SHCBP1L: variants seen among roughly 807,000 people sequenced by gnomAD.
SHCBP1L encodes SHC binding and spindle associated 1 like.
In SHCBP1L, 67 loss-of-function variants were observed where a neutral mutation model predicts 62.5. The observed-to-expected ratio is 1.07, with a 90% confidence interval of 0.88 to 1.31. SHCBP1L has a LOEUF of 1.31. SHCBP1L is among the 40% of genes most tolerant of loss of function. The pLI, the probability that SHCBP1L is intolerant of heterozygous loss-of-function variation, is 0.00. For missense variants in SHCBP1L, 823 were observed against 809.8 expected, an observed-to-expected ratio of 1.02 and a Z score of -0.20; for synonymous variants, 284 against 289.4, an observed-to-expected ratio of 0.98 and a Z score of 0.19.
Position 182,940,556 on chromosome 1 carries a change from T to C in SHCBP1L, c.556-13A>G. On this transcript the variant is annotated splice_polypyrimidine_tract_variant and intron_variant, in intron 2 of 9. Coordinates refer to ENST00000367547, the MANE Select transcript of SHCBP1L (RefSeq NM_030933.4). ...GTTCACAAGTTACCTAAGATAAATA[T>C]CATAAGAGATAAGAGATATAGTTAT... 1.9e-6 allele frequency: 3 copies of C among 1,604,792 alleles called. No individual in the cohort carries two copies. The East Asian group carries it at 6.7e-5, about 36-fold the overall frequency.
chr1:182,924,786 A>AAGAAAGAAAGAAAGAG (rs1557996865), intron 6 of SHCBP1L, among the ~76,000 whole-genome samples: 23 of 92,994 alleles, frequency 2.5e-4, no homozygotes, highest in African/African-American at 1.2e-3. Context: ...GAAAGAAAGA[A>AAGAAAGAAAGAAAGAG]AGAGAGAAAG....
intron 6 of SHCBP1L, among the ~76,000 whole-genome samples, chr1:182,924,951 A>AAAGAAAGAAAGAAAGAAAGC (rs1491368469): frequency 1.5e-5 from 2 of 136,750 alleles, no homozygotes; most frequent in Non-Finnish European, 3.1e-5. Flanking sequence ...AGAAAGAAAG[A>AAAGAAAGAAAGAAAGAAAGC]AAGAAAGAAA....
chr1:182,930,551 GTATATATATATATA>G lies in SHCBP1L; in HGVS notation c.1077-813_1077-800del, dbSNP rs10536791. Among the ~76,000 whole-genome samples the G allele has an allele frequency of 4.9e-3, 244 of 49,466 alleles. 2 individuals are homozygous for G. The highest frequency in any genetic ancestry group is 0.013 in the Middle Eastern group (1 of 78). The allele number at this position is 49,466 out of a possible 152,430, so 32.5% of individuals were successfully genotyped here. A position where few individuals can be genotyped will look rare whatever the true frequency, so the allele number is the denominator to read the frequency against. On this transcript the variant is annotated intron_variant, in intron 5 of 9. Coordinates refer to ENST00000367547, the MANE Select transcript of SHCBP1L (RefSeq NM_030933.4). ...AAGAGGATGTGGCTTTAGTGTGTGT[GTATATATATATATA>G]TATATATATATATATATATATATAT...
chr1:182,952,811 G>T lies in SHCBP1L; in HGVS notation c.323C>A (p.Pro108Gln), dbSNP rs1651830200. The change falls in exon 1 of 10, where the codon CCA (proline) becomes CAA (glutamine). Residue 108 changes from proline to glutamine, a missense_variant. Coordinates refer to ENST00000367547, the MANE Select transcript of SHCBP1L (RefSeq NM_030933.4). Reference protein sequence around the residue: ...EDEEEAQPLPPVCVSRMRGMW... With the variant: ...EDEEEAQPLPQVCVSRMRGMW... ...CCCCCTCATACGGGACACGCAGACT[G>T]GGGGCAGGGGCTGCGCCTCCTCTTC... 8 of 1,612,470 alleles carry T rather than the reference G, an allele frequency of 5.0e-6. No individual in the cohort carries two copies. The highest frequency in any genetic ancestry group is 6.8e-6 in the Non-Finnish European group (8 of 1,179,532).
Position 182,953,118 on chromosome 1 carries a change from TG to T in SHCBP1L, c.15del (p.Lys6ArgfsTer35). On this transcript the variant is annotated frameshift_variant, in exon 1 of 10. Transcript: ENST00000367547. LOFTEE classifies it high-confidence loss of function. ...AATGAGTCCGCGGGCACCGAGGCCT[TG>T]GAGCCCGACGCCATCTCCTCAGCAG... The part of the protein sequence containing the change: MASG[S>X]KASVPADSFR... 6.3e-7 allele frequency: 1 copy of T among 1,579,172 alleles called. No homozygotes were observed. Among genetic ancestry groups the T allele is most frequent in the South Asian group, 1.1e-5 (1 of 87,866 alleles).
chr1:182,921,071 C>A (rs900979421), intron 6 of SHCBP1L, among the ~76,000 whole-genome samples: 2 of 152,194 alleles, frequency 1.3e-5, no homozygotes, highest in South Asian at 4.1e-4. Flanking sequence ...AAGACATAGT[C>A]ATCAGATTCT....
rs377663290 is a variant in SHCBP1L, at chr1:182,904,576, T to C, written c.1337-146A>G. On this transcript the variant is annotated intron_variant, in intron 7 of 9. Coordinates refer to ENST00000367547, the MANE Select transcript of SHCBP1L (RefSeq NM_030933.4). Reference sequence around the variant, plus strand: ...GTGTGTGTGTGTGTGTGTGTGTGTGTGCGCATGCGCATTTTTAGAGATGGT... The same window carrying C: ...GTGTGTGTGTGTGTGTGTGTGTGTGCGCGCATGCGCATTTTTAGAGATGGT... The C allele has an allele frequency of 7.8e-3, 5,459 of 701,796 alleles. 33 individuals are homozygous for C. Among genetic ancestry groups the C allele is most frequent in the East Asian group, 0.017 (539 of 32,300 alleles). The allele number at this position is 701,796 out of a possible 1,614,324, so 43.5% of individuals were successfully genotyped here.
intron 6 of SHCBP1L, among the ~76,000 whole-genome samples, chr1:182,928,222 C>T (rs922477016): frequency 6.6e-5 from 10 of 152,022 alleles, no homozygotes; most frequent in African/African-American, 2.2e-4. Flanking sequence ...GGCCTTCTTT[C>T]GGTTCCTCAT....
chr1:182,913,884 G>A (rs1221031024), intron 6 of SHCBP1L, among the ~76,000 whole-genome samples: 1 of 152,188 alleles, frequency 6.6e-6, no homozygotes, highest in Non-Finnish European at 1.5e-5. Flanking sequence ...GGGAGGCTGA[G>A]GTAGGAGAAT....
intron 5 of SHCBP1L, among the ~76,000 whole-genome samples, chr1:182,932,034 C>A (rs1651023412): frequency 7.1e-6 from 1 of 141,376 alleles, no homozygotes; most frequent in Admixed American, 7.5e-5. Flanking sequence ...CAGTATGTAG[C>A]CTTTTCAGAT....
At position 182,953,070 on chromosome 1, in the gene SHCBP1L, G is replaced by T; in HGVS notation, c.64C>A (p.Arg22=). 1 of 1,550,994 alleles carries T rather than the reference G, an allele frequency of 6.4e-7. No individual in the cohort carries two copies. Among genetic ancestry groups the T allele is most frequent in the Non-Finnish European group, 8.7e-7 (1 of 1,154,684 alleles). Residue 22 remains arginine (R), a synonymous_variant, in exon 1 of 10, where the codon CGA becomes AGA. Coordinates refer to ENST00000367547, the MANE Select transcript of SHCBP1L (RefSeq NM_030933.4). ...DSFRTISPDR[R]GEKSASAVSG... ...ACAGCGGAGGCGGACTTCTCGCCTCGCCTGTCCGGGCTGATGGTGCGGAAT... is the reference window on the plus strand; with the variant it reads ...ACAGCGGAGGCGGACTTCTCGCCTCTCCTGTCCGGGCTGATGGTGCGGAAT...
At chr1:182,940,307 T>TC in intron 3 of SHCBP1L, 22 bp downstream of exon 3, 1 of 1,580,716 alleles carries the variant, frequency 6.3e-7, no homozygotes. Context: ...AATTTAATTT[T>TC]CAAAAGTAAA....
chr1:182,941,779 A>G (rs1651373996), intron 2 of SHCBP1L, among the ~76,000 whole-genome samples: 1 of 152,218 alleles, frequency 6.6e-6, no homozygotes, highest in Admixed American at 6.5e-5. Context: ...CTGCCATTTA[A>G]TATGCTTTGT....
intron 2 of SHCBP1L, among the ~76,000 whole-genome samples, chr1:182,948,392 C>T (rs1221391839): frequency 1.3e-5 from 2 of 152,186 alleles, no homozygotes; most frequent in Admixed American, 1.3e-4. Context: ...CCCAGTTGGG[C>T]CCATTCTAAT....
intron 5 of SHCBP1L, among the ~76,000 whole-genome samples, chr1:182,937,318 G>C (rs1275614885): frequency 6.6e-6 from 1 of 151,980 alleles, no homozygotes; most frequent in Admixed American, 6.6e-5. Flanking sequence ...TTCTAGTTTG[G>C]TGGTTCTTTC....
At chr1:182,925,207 C>T (rs1650705532) in intron 6 of SHCBP1L, among the ~76,000 whole-genome samples, 1 of 151,862 alleles carries the variant, frequency 6.6e-6, no homozygotes. Context: ...CCTAGCATCC[C>T]CTAAGTGGCA....
intron 2 of SHCBP1L, among the ~76,000 whole-genome samples, chr1:182,943,822 T>C (rs865903234): frequency 6.6e-6 from 1 of 151,392 alleles, no homozygotes; most frequent in Admixed American, 6.6e-5. Flanking sequence ...AGGTTTGTTA[T>C]GAAAAATAGA....
intron 5 of SHCBP1L, among the ~76,000 whole-genome samples, chr1:182,931,333 T>G (rs1367412715): frequency 6.6e-6 from 1 of 152,150 alleles, no homozygotes; most frequent in Non-Finnish European, 1.5e-5. Context: ...TAGTTTATCA[T>G]GCTATCCTAG....
At chr1:182,905,965 C>T (rs12140990) in intron 6 of SHCBP1L, among the ~76,000 whole-genome samples, 2,553 of 152,202 alleles carry the variant, frequency 0.017, 34 homozygotes, top group Non-Finnish European at 0.028. Flanking sequence ...GACGGAGTTT[C>T]GCTCTGTCGC....
Sources: gnomAD v4.1 joint callset for allele counts (sites outside exome capture counted in the v4.1 genomes callset) on GRCh38, gnomAD v4.1.1 for gene constraint, MANE v1.5 for transcripts, NCBI Gene and HGNC (gene_info 2026-07-23, HGNC 2026-07-21) for gene names.